The following ATG2A variants were observed in gnomAD, a reference collection of about 807,000 sequenced individuals.
ATG2A encodes autophagy related 2A.
ATG2A carries 103 observed loss-of-function variants against 214.2 expected under a neutral mutation model. That is an observed-to-expected ratio of 0.48 (90% CI 0.41 to 0.57). The LOEUF (loss-of-function observed/expected upper bound fraction) is 0.57, where lower values mean the gene tolerates loss of function less well. ATG2A is among the 20% of genes least tolerant of loss of function. ATG2A has a pLI of 0.00. For synonymous variants in ATG2A, 1,160 were observed against 1,142.1 expected (o/e 1.02, Z -0.32); for missense variants, 2,312 against 2,613.2 (o/e 0.88, Z 2.51).
intron 9 of ATG2A, 152 bp downstream of exon 9, chr11:64,911,690 C>A: frequency 8.9e-7 from 1 of 1,122,142 alleles, no homozygotes; most frequent in Non-Finnish European, 1.2e-6. Context: ...ATCACCAGCT[C>A]CCACCTTGTT....
chr11:64,911,665 G>A (rs925771732), intron 9 of ATG2A, among the ~76,000 whole-genome samples, 177 bp downstream of exon 9: 1 of 152,172 alleles, frequency 6.6e-6, no homozygotes, highest in Non-Finnish European at 1.5e-5. Flanking sequence ...GAAAAACCTA[G>A]GCTCTGTCCA....
rs1944174728 is a variant in ATG2A, at chr11:64,896,968, G to A, written c.5151-99C>T. 1.9e-5 allele frequency: 29 copies of A among 1,503,678 alleles called. No homozygotes were observed. The South Asian group carries it at 3.4e-4, about 17-fold the overall frequency. 93.1% of individuals were successfully genotyped at this position (1,503,678 alleles called of 1,614,324 possible). A position where few individuals can be genotyped will look rare whatever the true frequency, so the allele number is the denominator to read the frequency against. On this transcript the variant is annotated intron_variant, in intron 37 of 40. Coordinates refer to ENST00000377264, the MANE Select transcript of ATG2A (RefSeq NM_015104.3). ...ACTCAGTACCCCTGTGGCAAGTACT[G>A]TGGGCACTCTACCCTCCCTGTGGTC...
chr11:64,916,415 T>A (rs1362857873), intron 1 of ATG2A, among the ~76,000 whole-genome samples: 1 of 152,120 alleles, frequency 6.6e-6, no homozygotes, highest in East Asian at 1.9e-4. Flanking sequence ...CACGAGGTGT[T>A]GATCAACACT....
In ATG2A at chr11:64,896,486, G is replaced by A; in HGVS notation, c.5403C>T (p.Ser1801=). ...SSTASAALEL[S]NRLVQAIQAT... The stretch of plus-strand genomic sequence containing the variant: ...CCTGGATAGCCTGTACCAACCGGTT[G>A]CTGAGTTCCAGGGCGGCAGAGGCTG... The change falls in exon 39 of 41, where the codon AGC becomes AGT. Residue 1801 remains serine (S), a synonymous_variant. Coordinates refer to ENST00000377264, the MANE Select transcript of ATG2A (RefSeq NM_015104.3). 1 of 1,613,662 alleles carries A rather than the reference G, an allele frequency of 6.2e-7. No individual in the cohort carries two copies. The highest frequency in any genetic ancestry group is 8.5e-7 in the Non-Finnish European group (1 of 1,179,806).
At position 64,912,443 on chromosome 11, in the gene ATG2A, C is replaced by A. The variant is rs1472493571; in HGVS notation, c.826-20G>T. ...CTCCAACTGGGGGCCAAGGAGGCAG[C>A]CATGGAGCCTAGGCCCACCACCCAG... On this transcript the variant is annotated intron_variant, in intron 6 of 40. Coordinates refer to ENST00000377264, the MANE Select transcript of ATG2A (RefSeq NM_015104.3). 6.5e-7 allele frequency: 1 copy of A among 1,540,006 alleles called. No homozygotes were observed. The highest frequency in any genetic ancestry group is 1.2e-5 in the South Asian group (1 of 83,066).
rs922185666 is a variant in ATG2A, at chr11:64,900,925, G to A, written c.4287C>T (p.His1429=). Residue 1429 remains histidine, a synonymous_variant, in exon 30 of 41, where the codon CAC becomes CAT. Coordinates refer to ENST00000377264, the MANE Select transcript of ATG2A (RefSeq NM_015104.3). ...VVLREVSLVW[H]LYGGRDFGPH... ...GGCCAAAGTCTCGGCCCCCATAGAGGTGCCAGACGAGGGAGACCTCACGTA... is the reference window on the plus strand; with the variant it reads ...GGCCAAAGTCTCGGCCCCCATAGAGATGCCAGACGAGGGAGACCTCACGTA... The A allele has an allele frequency of 3.8e-6, 6 of 1,573,650 alleles. No homozygotes were observed. In the African/African-American group the frequency reaches 5.4e-5, roughly 14 times the overall value.
Position 64,910,028 on chromosome 11 carries a change from G to A in ATG2A, c.1863+12C>T, listed in dbSNP as rs752049611. 4.5e-5 allele frequency: 70 copies of A among 1,564,740 alleles called. No individual in the cohort carries two copies. In the African/African-American group the frequency reaches 8.4e-4, roughly 19 times the overall value. On this transcript the variant is annotated intron_variant, in intron 13 of 40. Coordinates refer to ENST00000377264, the MANE Select transcript of ATG2A (RefSeq NM_015104.3). ...ACCCACCCCCGGCCTGGCCCTGGCA[G>A]GGGCCTCTCACCAGCAGGCCGGCTG...
chr11:64,896,629 A>T lies in ATG2A; in HGVS notation c.5273-13T>A, dbSNP rs1590619009. The T allele has an allele frequency of 1.9e-6, 3 of 1,611,548 alleles. No homozygotes were observed. Among genetic ancestry groups the T allele is most frequent in the Non-Finnish European group, 2.5e-6 (3 of 1,178,018 alleles). ...CGGAACCCTTGGACTAGGGGGAAGGAGCGCTCAGAGACACCCGAGGCTGCC... is the reference window on the plus strand; with the variant it reads ...CGGAACCCTTGGACTAGGGGGAAGGTGCGCTCAGAGACACCCGAGGCTGCC... On this transcript the variant is annotated splice_polypyrimidine_tract_variant and intron_variant, in intron 38 of 40. Coordinates refer to ENST00000377264, the MANE Select transcript of ATG2A (RefSeq NM_015104.3).
Position 64,910,963 on chromosome 11 carries a change from AAG to A in ATG2A, c.1467-11_1467-10del. 1 of 1,613,376 alleles carries A rather than the reference AAG, an allele frequency of 6.2e-7. No homozygotes were observed. Among genetic ancestry groups the A allele is most frequent in the Non-Finnish European group, 8.5e-7 (1 of 1,180,014 alleles). ...CGGCTGTGCCCGTTAGCCTGCGGGG[AAG>A]AGGACAGGCGTCAGAAGGTGCACTT... On this transcript the variant is annotated splice_polypyrimidine_tract_variant and intron_variant, in intron 10 of 40. Transcript: ENST00000377264.
intron 24 of ATG2A, among the ~76,000 whole-genome samples, chr11:64,904,522 T>C (rs139941707): frequency 0.088 from 13,401 of 151,628 alleles, 986 homozygotes; most frequent in African/African-American, 0.2. Flanking sequence ...TCCAGCCTGC[T>C]GACAGAGCGA....
chr11:64,900,901 G>A lies in ATG2A; in HGVS notation c.4311C>T (p.Gly1437=). The change falls in exon 30 of 41, where the codon GGC becomes GGT. Residue 1437 remains glycine (G), a synonymous_variant. Coordinates refer to ENST00000377264, the MANE Select transcript of ATG2A (RefSeq NM_015104.3). ...CTCCTCACCTGTGGCCGGGGTGGGG[G>A]CCAAAGTCTCGGCCCCCATAGAGGT... is the stretch of plus-strand genomic sequence containing the variant. The part of the protein sequence containing the change: ...VWHLYGGRDF[G]PHPGHRARTG... 6.4e-7 allele frequency: 1 copy of A among 1,562,692 alleles called. No homozygotes were observed. Among genetic ancestry groups the A allele is most frequent in the Non-Finnish European group, 8.7e-7 (1 of 1,154,274 alleles).
At chr11:64,901,817 C>A in intron 29 of ATG2A, 145 bp downstream of exon 29, 3 of 895,762 alleles carry the variant, frequency 3.3e-6, no homozygotes, top group Non-Finnish European at 5.2e-6. Flanking sequence ...CCTAGCACCA[C>A]CCCCGAGGTG....
chr11:64,913,991 G>A lies in ATG2A; in HGVS notation c.488-68C>T. On this transcript the variant is annotated intron_variant, in intron 3 of 40. Coordinates refer to ENST00000377264, the MANE Select transcript of ATG2A (RefSeq NM_015104.3). This position sits in a 1 kb window ranked among gnomAD's most constrained non-coding sequence, Gnocchi z 4.3. Reference sequence around the variant, plus strand: ...AGGGGAGGCAGAATTTCCCATCTGGGCACCAGGGTGGCCGTGCCGTTGTCT... The same window carrying A: ...AGGGGAGGCAGAATTTCCCATCTGGACACCAGGGTGGCCGTGCCGTTGTCT... The A allele has an allele frequency of 6.3e-7, 1 of 1,579,020 alleles. No homozygotes were observed. Among genetic ancestry groups the A allele is most frequent in the South Asian group, 1.1e-5 (1 of 87,718 alleles).
intron 27 of ATG2A, 46 bp downstream of exon 27, chr11:64,902,470 G>A (rs1204401428): frequency 6.5e-7 from 1 of 1,531,122 alleles, no homozygotes; most frequent in Non-Finnish European, 8.8e-7. Flanking sequence ...CAGGGGAGGG[G>A]CCTGGCCGAG....
In ATG2A at chr11:64,897,758, AG is replaced by A. The variant is rs778913622; in HGVS notation, c.4995-16del. The A allele has an allele frequency of 8.7e-6, 14 of 1,614,106 alleles. No homozygotes were observed. The highest frequency in any genetic ancestry group is 1.2e-5 in the Non-Finnish European group (14 of 1,180,036). On this transcript the variant is annotated splice_polypyrimidine_tract_variant and intron_variant, in intron 35 of 40. Transcript: ENST00000377264. Reference sequence around the variant, plus strand: ...AGCGGAACTCTCTGGGTAGGGGAGCAGGAAGAGGGGGTTCTTTGCTCACTGG... The same window carrying A: ...AGCGGAACTCTCTGGGTAGGGGAGCAGAAGAGGGGGTTCTTTGCTCACTGG...
chr11:64,895,380 C>T lies in ATG2A; in HGVS notation c.5490G>A (p.Gln1830=). The T allele has an allele frequency of 6.2e-7, 1 of 1,611,934 alleles. No individual in the cohort carries two copies. Among genetic ancestry groups the T allele is most frequent in the South Asian group, 1.1e-5 (1 of 90,972 alleles). ...GCAGCCTCCGCGCAGAGCGCTTATC[C>T]TGCAGGGAGCGGGAGACGGGGGCTG... ...SPAAPVSRSL[Q]DKRSARRLRR... is the part of the protein sequence containing the mutation. Residue 1830 remains glutamine, a synonymous_variant, in exon 40 of 41, where the codon CAG becomes CAA. Coordinates refer to ENST00000377264, the MANE Select transcript of ATG2A (RefSeq NM_015104.3). This position sits in a 1 kb window ranked among gnomAD's most constrained non-coding sequence, Gnocchi z 5.0.
chr11:64,913,263 C>T lies in ATG2A; in HGVS notation c.726+3G>A. The stretch of plus-strand genomic sequence containing the variant: ...GGGGCTGTGGGAATCAGAGCCCGCT[C>T]ACCTGTGCCGGGAGCTCCTCGTAGT... On this transcript the variant is annotated splice_donor_region_variant and intron_variant, in intron 5 of 40. Transcript: ENST00000377264. The surrounding 1 kb of genome is among the most constrained non-coding windows in gnomAD (Gnocchi z 4.3). The T allele has an allele frequency of 1.2e-6, 2 of 1,611,954 alleles. No homozygotes were observed. The highest frequency in any genetic ancestry group is 1.7e-6 in the Non-Finnish European group (2 of 1,179,738).
rs1944205089 is a variant in ATG2A at position 64,897,740 on chromosome 11, C to T, written c.4998G>A (p.Glu1666=). 3 of 1,614,256 alleles carry T rather than the reference C, an allele frequency of 1.9e-6. No individual in the cohort carries two copies. The highest frequency in any genetic ancestry group is 2.2e-5 in the South Asian group (2 of 91,092). ...PPDQQPIYFR[E]FRFTSEVPIW... The stretch of plus-strand genomic sequence containing the variant: ...TGGGGACCTCAGACGTGAAGCGGAA[C>T]TCTCTGGGTAGGGGAGCAGGAAGAG... The change falls in exon 36 of 41, where the codon GAG becomes GAA. Residue 1666 remains glutamate (E), a synonymous_variant. Coordinates refer to ENST00000377264, the MANE Select transcript of ATG2A (RefSeq NM_015104.3).
At position 64,902,616 on chromosome 11, in the gene ATG2A, G is replaced by A. The variant is rs773315640; in HGVS notation, c.3677C>T (p.Ser1226Phe). 4 of 1,610,814 alleles carry A rather than the reference G, an allele frequency of 2.5e-6. No individual in the cohort carries two copies. Among genetic ancestry groups the A allele is most frequent in the Non-Finnish European group, 3.4e-6 (4 of 1,179,840 alleles). Residue 1226 changes from serine to phenylalanine, a missense_variant, in exon 27 of 41, where the codon TCC becomes TTC. Transcript: ENST00000377264. ...NVVHVHSCAD[S>F]CALLVNLLQY... is the part of the protein sequence containing the mutation. ...GAGCAGGTTGACCAGCAGGGCACAG[G>A]AGTCGGCACAGCTGTGCACGTGTAC... is the stretch of plus-strand genomic sequence containing the variant.
Sources: allele counts gnomAD v4.1 joint callset (sites outside exome capture counted in the v4.1 genomes callset), GRCh38; gene constraint gnomAD v4.1.1; non-coding constraint Gnocchi (gnomAD v3.1); transcripts MANE v1.5; gene names NCBI Gene and HGNC (gene_info 2026-07-23, HGNC 2026-07-21).